Variants in CBY1 observed in about 807,000 individuals in gnomAD.
CBY1 encodes protein chibby homolog 1.
Under a neutral mutation model 15.6 loss-of-function variants are expected in CBY1, and 10 were observed. The ratio of observed to expected loss-of-function variants is 0.64; its 90% confidence interval spans 0.40 to 1.09. The LOEUF (loss-of-function observed/expected upper bound fraction) is 1.09. Ranked by LOEUF, CBY1 falls within the 50% of genes least tolerant of loss-of-function variation. CBY1 has a pLI of 0.01. For missense variants in CBY1, 150 were observed against 160.5 expected (o/e 0.93, Z 0.35); for synonymous variants, 61 against 63.5 (o/e 0.96, Z 0.19).
At chr22:38,668,375 T>G in intron 2 of CBY1, 1 of 384,556 alleles carries the variant, frequency 2.6e-6, no homozygotes, top group South Asian at 3.5e-5. Context: ...TCCAAATTTT[T>G]TTTTTCTTTT....
At chr22:38,663,893 G>T (rs1395499941) in intron 1 of CBY1, among the ~76,000 whole-genome samples, 1 of 151,200 alleles carries the variant, frequency 6.6e-6, no homozygotes, top group African/African-American at 2.4e-5. Context: ...TTAGTGGCAG[G>T]TGTGTGTAAT....
rs192917297 is a variant in CBY1, at chr22:38,663,915, G to A, written c.-38-4102G>A. On this transcript the variant is annotated intron_variant, in intron 1 of 4. Coordinates refer to ENST00000216029, the MANE Select transcript of CBY1 (RefSeq NM_015373.4). The stretch of plus-strand genomic sequence containing the variant: ...CAGGTGTGTGTAATCCCAGCTACTT[G>A]GGAGGTTGAGACAGGAGAATCTCTT... Among the ~76,000 whole-genome samples, 307 of 151,568 alleles carry A rather than the reference G, an allele frequency of 2.0e-3. 1 individual carries two copies. The highest frequency in any genetic ancestry group is 7.2e-3 in the African/African-American group (299 of 41,320).
rs2092440893 is a variant in CBY1, at chr22:38,667,677, G to A, written c.-38-340G>A. 3 of 218,640 alleles carry A rather than the reference G, an allele frequency of 1.4e-5. No homozygotes were observed. In the South Asian group the frequency reaches 2.6e-4, roughly 19 times the overall value. The allele number at this position is 218,640 out of a possible 1,614,324, so 13.5% of individuals were successfully genotyped here. On this transcript the variant is annotated intron_variant, in intron 1 of 4. Coordinates refer to ENST00000216029, the MANE Select transcript of CBY1 (RefSeq NM_015373.4). ...GCAAGTATCTGGTGAGGGTCATCCT[G>A]TGTGAGGCAGAAGGCTCACATGGTG...
intron 4 of CBY1, among the ~76,000 whole-genome samples, chr22:38,672,180 T>C (rs1316257378): frequency 4.6e-5 from 7 of 151,504 alleles, no homozygotes; most frequent in Admixed American, 3.9e-4. Context: ...GAGAATTGCT[T>C]GAACCCGGGA....
chr22:38,666,673 T>A (rs1273231956), intron 1 of CBY1: 1 of 151,658 alleles, frequency 6.6e-6, no homozygotes, highest in Non-Finnish European at 1.5e-5. Flanking sequence ...AAAGGAAATA[T>A]AAGCATAGCT....
In CBY1 at chr22:38,670,961, G is replaced by C. The variant is rs1216969875; in HGVS notation, c.156G>C (p.Leu52=). The C allele has an allele frequency of 5.6e-6, 9 of 1,614,116 alleles. 1 individual carries two copies. The South Asian group carries it at 8.8e-5, about 16-fold the overall frequency. ...CTATGAACCTGGCAGGGCAAAGCCT[G>C]AAGTTTGAAAATGGCCAGTGGATAG... ...SPTMNLAGQS[L]KFENGQWIAE... Residue 52 remains leucine (L), a synonymous_variant, in exon 3 of 5, where the codon CTG becomes CTC. Coordinates refer to ENST00000216029, the MANE Select transcript of CBY1 (RefSeq NM_015373.4).
At position 38,670,928 on chromosome 22, in the gene CBY1, A is replaced by C; in HGVS notation, c.123A>C (p.Gly41=). The C allele has an allele frequency of 6.2e-7, 1 of 1,614,214 alleles. No homozygotes were observed. The highest frequency in any genetic ancestry group is 8.5e-7 in the Non-Finnish European group (1 of 1,180,038). ...TREVELGLEY[G]SPTMNLAGQS... is the part of the protein sequence containing the mutation. ...AGGTGGAGCTGGGCTTGGAATACGG[A>C]TCCCCGACTATGAACCTGGCAGGGC... Residue 41 remains glycine (G), a synonymous_variant, in exon 3 of 5, where the codon GGA becomes GGC. Transcript: ENST00000216029.
At position 38,671,198 on chromosome 22, in the gene CBY1, G is replaced by T. The variant is rs2092451533; in HGVS notation, c.303+10G>T. 1 of 1,588,598 alleles carries T rather than the reference G, an allele frequency of 6.3e-7. No individual in the cohort carries two copies. The highest frequency in any genetic ancestry group is 8.6e-7 in the Non-Finnish European group (1 of 1,157,142). On this transcript the variant is annotated intron_variant, in intron 4 of 4. Coordinates refer to ENST00000216029, the MANE Select transcript of CBY1 (RefSeq NM_015373.4). ...CATCTTATTAGACATGGTGAGGCAG[G>T]TGATGGGGAAGAGAGGCCTAGCTTC...
At chr22:38,660,938 T>C (rs2092420603) in intron 1 of CBY1, among the ~76,000 whole-genome samples, 1 of 152,072 alleles carries the variant, frequency 6.6e-6, no homozygotes, top group South Asian at 2.1e-4. Context: ...GATTAATGCT[T>C]TTCCCTCTTC....
At position 38,668,016 on chromosome 22, in the gene CBY1, G is replaced by A. The variant is rs2092441800; in HGVS notation, c.-38-1G>A. The A allele has an allele frequency of 6.3e-7, 1 of 1,596,862 alleles. No homozygotes were observed. Among genetic ancestry groups the A allele is most frequent in the Non-Finnish European group, 8.6e-7 (1 of 1,164,950 alleles). Reference sequence around the variant, plus strand: ...GTACCCCTGACTTTTTCTGACCCTAGGAGAAGGGAGCACTGGCTTTGCTTT... The same window carrying A: ...GTACCCCTGACTTTTTCTGACCCTAAGAGAAGGGAGCACTGGCTTTGCTTT... On this transcript the variant is annotated splice_acceptor_variant, in intron 1 of 4. Coordinates refer to ENST00000216029, the MANE Select transcript of CBY1 (RefSeq NM_015373.4). LOFTEE classifies it low-confidence loss of function (5UTR_SPLICE).
chr22:38,660,111 G>GT (rs1452246421), intron 1 of CBY1, among the ~76,000 whole-genome samples: 1 of 152,020 alleles, frequency 6.6e-6, no homozygotes, highest in Non-Finnish European at 1.5e-5. Context: ...AGTAATAACA[G>GT]TGTCTTTTTC....
At position 38,673,729 on chromosome 22, in the gene CBY1, A is replaced by G. The variant is rs898593254; in HGVS notation, c.*493A>G. 6.5e-6 allele frequency: 1 copy of G among 153,822 alleles called. No homozygotes were observed. The highest frequency in any genetic ancestry group is 2.4e-5 in the African/African-American group (1 of 41,388). The allele number at this position is 153,822 out of a possible 1,614,324, so 9.5% of individuals were successfully genotyped here. On this transcript the variant is annotated 3_prime_UTR_variant, in exon 5 of 5. Coordinates refer to ENST00000216029, the MANE Select transcript of CBY1 (RefSeq NM_015373.4). Reference sequence around the variant, plus strand: ...TGCCTTTAAAGAATCCTCCTTCCTCACACCTGGCCTCCTCTGGCTTCAGCT... The same window carrying G: ...TGCCTTTAAAGAATCCTCCTTCCTCGCACCTGGCCTCCTCTGGCTTCAGCT...
intron 1 of CBY1, among the ~76,000 whole-genome samples, chr22:38,658,542 GCT>G (rs2092412157): frequency 6.7e-6 from 1 of 149,252 alleles, no homozygotes; most frequent in Admixed American, 6.7e-5. Flanking sequence ...CTCACTGCAA[GCT>G]CTGCCTCCTG....
At chr22:38,670,023 G>C (rs954192581) in intron 2 of CBY1, 1 of 152,236 alleles carries the variant, frequency 6.6e-6, no homozygotes, top group African/African-American at 2.4e-5. Flanking sequence ...AAGGTCAGGA[G>C]TTCGAGACCA....
At chr22:38,659,840 C>T (rs1226814309) in intron 1 of CBY1, among the ~76,000 whole-genome samples, 9 of 130,902 alleles carry the variant, frequency 6.9e-5, no homozygotes, top group African/African-American at 2.3e-4. Flanking sequence ...CCAGCCCGGG[C>T]GACAGAGTGA....
chr22:38,670,502 A>G (rs1206615476), intron 2 of CBY1: 1 of 163,582 alleles, frequency 6.1e-6, no homozygotes, highest in Non-Finnish European at 1.3e-5. Flanking sequence ...TGTCTTTTCC[A>G]CAACATATGT....
chr22:38,665,812 G>T, intron 1 of CBY1: 1 of 657,420 alleles, frequency 1.5e-6, no homozygotes, highest in East Asian at 3.7e-5. Context: ...AGGTGGGCAG[G>T]TCACTTGAGG....
chr22:38,665,910 C>T (rs2145783062), intron 1 of CBY1, among the ~76,000 whole-genome samples: 1 of 151,964 alleles, frequency 6.6e-6, no homozygotes, highest in African/African-American at 2.4e-5. Context: ...TGGCACACAC[C>T]TGTAATCCCA....
chr22:38,658,179 G>A (rs1354641124), intron 1 of CBY1, among the ~76,000 whole-genome samples: 2 of 151,590 alleles, frequency 1.3e-5, no homozygotes, highest in Non-Finnish European at 2.9e-5. Flanking sequence ...AGGCTAGAAA[G>A]CAGTGGTGCA....
Sources: allele counts gnomAD v4.1 joint callset (sites outside exome capture counted in the v4.1 genomes callset), GRCh38; gene constraint gnomAD v4.1.1; transcripts MANE v1.5; gene names NCBI Gene and HGNC (gene_info 2026-07-23, HGNC 2026-07-21).